Variants in SDK1 observed in about 807,000 individuals in gnomAD.
SDK1 encodes the protein sidekick cell adhesion molecule 1, also known as protein sidekick-1.
In SDK1, 157 loss-of-function variants were observed where a neutral mutation model predicts 245.5. The ratio of observed to expected loss-of-function variants is 0.64; its 90% CI spans 0.56 to 0.73. The LOEUF (loss-of-function observed/expected upper bound fraction) is 0.73. Among genes scored for constraint, SDK1 ranks in the 30% least tolerant of loss-of-function variants. The probability of loss-of-function intolerance (pLI) is 0.00; values close to 1 mark genes in which losing one functional copy is unlikely to be tolerated. For synonymous variants in SDK1, 1,647 were observed against 1,278.5 expected, an observed-to-expected ratio of 1.29 and a Z score of -6.15; for missense variants, 3,583 against 3,002.3, an observed-to-expected ratio of 1.19 and a Z score of -4.52.
At chr7:3,407,411 G>A (rs1036627160) in intron 1 of SDK1, among the ~76,000 whole-genome samples, 2 of 152,194 alleles carry the variant, frequency 1.3e-5, no homozygotes, top group African/African-American at 2.4e-5. Context: ...ATCCTGCCAA[G>A]TGACACTTTT....
intron 1 of SDK1, among the ~76,000 whole-genome samples, chr7:3,579,910 A>G (rs1035674501): frequency 6.6e-6 from 1 of 152,192 alleles, no homozygotes; most frequent in Non-Finnish European, 1.5e-5. Flanking sequence ...CTTGGCCCAA[A>G]GTGTTCTTCA....
At chr7:3,798,673 G>A (rs976891662) in intron 4 of SDK1, among the ~76,000 whole-genome samples, 1 of 152,136 alleles carries the variant, frequency 6.6e-6, no homozygotes, top group African/African-American at 2.4e-5. Flanking sequence ...TGGTCACTCG[G>A]CTAAGGCGGT....
At position 4,006,589 on chromosome 7, in the gene SDK1, C is replaced by T. The variant is rs145165330; in HGVS notation, c.2132-4377C>T. Among the ~76,000 whole-genome samples the T allele has an allele frequency of 7.1e-3, 1,076 of 152,252 alleles. 11 individuals are homozygous for T. The highest frequency in any genetic ancestry group is 0.024 in the African/African-American group (1,012 of 41,546). ...TCCAGAGCTTGAGAATGAGCAAATC[C>T]TTCCCAAAACAATTTTTTTTTGTAT... On this transcript the variant is annotated intron_variant, in intron 14 of 44. Coordinates refer to ENST00000404826, the MANE Select transcript of SDK1 (RefSeq NM_152744.4).
chr7:3,786,088 G>A (rs868296600), intron 4 of SDK1, among the ~76,000 whole-genome samples: 6 of 152,152 alleles, frequency 3.9e-5, no homozygotes, highest in South Asian at 2.1e-4. Flanking sequence ...TAGAGAGAGC[G>A]AAAGTGCTCT....
chr7:3,449,211 C>G (rs925439312), intron 1 of SDK1, among the ~76,000 whole-genome samples: 2 of 152,280 alleles, frequency 1.3e-5, no homozygotes, highest in East Asian at 3.9e-4. Flanking sequence ...TGCCTCAAAG[C>G]TGCACCTACA....
intron 5 of SDK1, among the ~76,000 whole-genome samples, chr7:3,885,404 T>C (rs1781313785): frequency 6.6e-6 from 1 of 152,202 alleles, no homozygotes; most frequent in Admixed American, 6.5e-5. Flanking sequence ...CCACAGAGAA[T>C]GCAGTGCAGC....
rs549497332 is a variant in SDK1 at position 4,205,012 on chromosome 7, G to T, written c.5099-867G>T. Among the ~76,000 whole-genome samples, 11 of 151,916 alleles carry T rather than the reference G, an allele frequency of 7.2e-5. 2 individuals carry two copies. The highest frequency in any genetic ancestry group is 2.7e-4 in the African/African-American group (11 of 41,320). ...CCCTAATGGCGGTGTGGTAAGGCGC[G>T]GAGGTGCGGCCGCAACATCCTCATG... On this transcript the variant is annotated intron_variant, in intron 35 of 44. Transcript: ENST00000404826.
chr7:3,769,145 T>G (rs141066275), intron 4 of SDK1, among the ~76,000 whole-genome samples: 3 of 152,212 alleles, frequency 2.0e-5, no homozygotes, highest in African/African-American at 7.2e-5. Context: ...AGAGATCCCA[T>G]GGACCCCTTT....
chr7:3,589,232 ATG>A lies in SDK1; in HGVS notation c.299-29846_299-29845del, dbSNP rs1168806997. Reference sequence around the variant, plus strand: ...TCTCACAGTTGGTGCGGACTCTTTGATGTCAGTACTGATCTCACAGGTGGTGT... The same window carrying A: ...TCTCACAGTTGGTGCGGACTCTTTGATCAGTACTGATCTCACAGGTGGTGT... On this transcript the variant is annotated intron_variant, in intron 1 of 44. Transcript: ENST00000404826. 1.3e-5 allele frequency among the ~76,000 whole-genome samples: 2 copies of A among 152,158 alleles called. 1 individual carries two copies. Among genetic ancestry groups the A allele is most frequent in the Admixed American group, 1.3e-4 (2 of 15,278 alleles).
intron 23 of SDK1, among the ~76,000 whole-genome samples, chr7:4,112,435 A>G (rs1783407655): frequency 6.6e-6 from 1 of 152,136 alleles, no homozygotes. Context: ...GGTTCAAGAT[A>G]TTTTCCTTTC....
At chr7:3,993,827 A>T (rs1359459877) in intron 14 of SDK1, among the ~76,000 whole-genome samples, 2 of 151,876 alleles carry the variant, frequency 1.3e-5, no homozygotes, top group Non-Finnish European at 2.9e-5. Flanking sequence ...CTTCTCACGC[A>T]TTCTATCTAC....
chr7:4,107,029 G>C (rs1782969777), intron 22 of SDK1, among the ~76,000 whole-genome samples: 1 of 151,586 alleles, frequency 6.6e-6, no homozygotes, highest in East Asian at 2.0e-4. Flanking sequence ...AGGGCAGGGA[G>C]CTCTAGGCAG....
At chr7:3,474,433 T>G (rs545760367) in intron 1 of SDK1, among the ~76,000 whole-genome samples, 23 of 152,014 alleles carry the variant, frequency 1.5e-4, no homozygotes, top group Admixed American at 3.3e-4. Context: ...ACATCCCTCC[T>G]GTCCAGTACC....
rs888183647 is a variant in SDK1, at chr7:3,510,486, G to C, written c.299-108594G>C. Among the ~76,000 whole-genome samples the C allele has an allele frequency of 1.3e-5, 2 of 152,148 alleles. 1 individual carries two copies. The highest frequency in any genetic ancestry group is 2.9e-5 in the Non-Finnish European group (2 of 68,018). Reference sequence around the variant, plus strand: ...GGCGGATTAATAGGCAAAAAGGCATGGGATTTATTTAATGTTTGTACATGG... The same window carrying C: ...GGCGGATTAATAGGCAAAAAGGCATCGGATTTATTTAATGTTTGTACATGG... On this transcript the variant is annotated intron_variant, in intron 1 of 44. Coordinates refer to ENST00000404826, the MANE Select transcript of SDK1 (RefSeq NM_152744.4).
chr7:4,082,690 G>A (rs944228446), intron 22 of SDK1, among the ~76,000 whole-genome samples: 2 of 151,182 alleles, frequency 1.3e-5, no homozygotes, highest in Non-Finnish European at 2.9e-5. Context: ...GTATGATCTC[G>A]GCTCACTACA....
At chr7:3,458,177 T>A (rs1379507657) in intron 1 of SDK1, among the ~76,000 whole-genome samples, 1 of 152,100 alleles carries the variant, frequency 6.6e-6, no homozygotes, top group Non-Finnish European at 1.5e-5. Flanking sequence ...GTGGCCTTGA[T>A]CTGGGTCTTG....
chr7:3,930,875 T>C (rs1319630886), intron 5 of SDK1, among the ~76,000 whole-genome samples: 1 of 152,138 alleles, frequency 6.6e-6, no homozygotes, highest in African/African-American at 2.4e-5. Flanking sequence ...GAAAAGATAT[T>C]TATAAATGCA....
chr7:3,835,815 G>T (rs1780017937), intron 5 of SDK1, among the ~76,000 whole-genome samples: 1 of 152,190 alleles, frequency 6.6e-6, no homozygotes, highest in Non-Finnish European at 1.5e-5. Flanking sequence ...TTTCAATATG[G>T]ATTGGGATGT....
intron 1 of SDK1, among the ~76,000 whole-genome samples, chr7:3,500,823 C>T (rs772378675): frequency 9.9e-5 from 15 of 151,046 alleles, no homozygotes; most frequent in Non-Finnish European, 2.1e-4. Context: ...TGTTTTTTTT[C>T]ATTTTTTATT....
Sources: gnomAD v4.1 joint callset for allele counts (sites outside exome capture counted in the v4.1 genomes callset) on GRCh38, gnomAD v4.1.1 for gene constraint, MANE v1.5 for transcripts, NCBI Gene and HGNC (gene_info 2026-07-23, HGNC 2026-07-21) for gene names.